THSD4: variants seen among roughly 807,000 people sequenced by gnomAD.
THSD4 encodes the protein thrombospondin type-1 domain-containing protein 4.
A neutral mutation model predicts 119.0 loss-of-function variants in THSD4; 69 were observed. That is an observed-to-expected ratio of 0.58 (90% CI 0.48 to 0.71). The LOEUF is 0.71. Among genes scored for constraint, THSD4 ranks in the 30% least tolerant of loss-of-function variants. The pLI, the probability that THSD4 is intolerant of heterozygous loss-of-function variation, is 0.00. For missense variants in THSD4, 1,393 were observed against 1,391.1 expected, an observed-to-expected ratio of 1.00 and a Z score of -0.02; for synonymous variants, 524 against 540.4, an observed-to-expected ratio of 0.97 and a Z score of 0.42.
chr15:71,359,982 G>A (rs1166104044), intron 6 of THSD4, among the ~76,000 whole-genome samples: 2 of 152,198 alleles, frequency 1.3e-5, no homozygotes, highest in East Asian at 1.9e-4. Context: ...CCCCAAAATT[G>A]AGTAGCTTAA....
intron 7 of THSD4, among the ~76,000 whole-genome samples, chr15:71,581,614 AAC>A (rs540241572): frequency 1.1e-3 from 166 of 147,610 alleles, no homozygotes; most frequent in African/African-American, 3.7e-3. Context: ...AGTGTCAAAA[AAC>A]TTTTTTCCTC....
chr15:71,333,740 A>C (rs1005500652), intron 6 of THSD4, among the ~76,000 whole-genome samples: 1 of 152,180 alleles, frequency 6.6e-6, no homozygotes, highest in African/African-American at 2.4e-5. Flanking sequence ...TTTCCCACTC[A>C]GTAAAGGCAG....
intron 4 of THSD4, among the ~76,000 whole-genome samples, chr15:71,240,245 A>C (rs2044140338): frequency 6.6e-6 from 1 of 152,174 alleles, no homozygotes; most frequent in Non-Finnish European, 1.5e-5. Flanking sequence ...TTGGTTCATC[A>C]GTGCTGAGTG....
chr15:71,711,535 T>TA (rs1446208893), intron 8 of THSD4, among the ~76,000 whole-genome samples: 1 of 151,886 alleles, frequency 6.6e-6, no homozygotes, highest in African/African-American at 2.4e-5. Flanking sequence ...AACAGAGGAA[T>TA]AAAAAAGGTG....
rs982017388 is a variant in THSD4, at chr15:71,763,388, T to C, written c.2590-1632T>C. 3.3e-5 allele frequency among the ~76,000 whole-genome samples: 5 copies of C among 151,980 alleles called. No homozygotes were observed. The East Asian group carries it at 9.7e-4, about 29-fold the overall frequency. On this transcript the variant is annotated intron_variant, in intron 15 of 17. Transcript: ENST00000261862. ...TCTTTAAAGTCTATAATAAAGTACA[T>C]AGACCACAGCTTTACAACTTTAAAT...
At chr15:71,324,502 C>T (rs909806682) in intron 6 of THSD4, among the ~76,000 whole-genome samples, 2 of 152,130 alleles carry the variant, frequency 1.3e-5, no homozygotes, top group African/African-American at 4.8e-5. Flanking sequence ...TTATATCACT[C>T]TGTATGCCTT....
intron 2 of THSD4, among the ~76,000 whole-genome samples, chr15:71,142,959 A>G (rs1467137949): frequency 6.6e-6 from 1 of 152,244 alleles, no homozygotes; most frequent in Non-Finnish European, 1.5e-5. Context: ...GCATTTGCCA[A>G]GCAGATGCCC....
chr15:71,472,751 G>A (rs1939362752), intron 7 of THSD4, among the ~76,000 whole-genome samples: 1 of 152,318 alleles, frequency 6.6e-6, no homozygotes, highest in Middle Eastern at 3.4e-3. Flanking sequence ...GATTTCACAG[G>A]AGGCTGACTT....
intron 6 of THSD4, among the ~76,000 whole-genome samples, chr15:71,360,301 A>G (rs2045876099): frequency 6.6e-6 from 1 of 152,198 alleles, no homozygotes; most frequent in Non-Finnish European, 1.5e-5. Context: ...TGGAAGCTGC[A>G]GGGTTTCTTA....
chr15:71,343,219 A>G (rs1157208407), intron 6 of THSD4, among the ~76,000 whole-genome samples: 3 of 152,174 alleles, frequency 2.0e-5, no homozygotes, highest in South Asian at 2.1e-4. Context: ...CCCTATCTCT[A>G]GTAGGTAGGT....
At chr15:71,202,087 A>G (rs916698198) in intron 3 of THSD4, among the ~76,000 whole-genome samples, 1 of 152,040 alleles carries the variant, frequency 6.6e-6, no homozygotes, top group African/African-American at 2.4e-5. Context: ...AGATGGAAGT[A>G]ATTTCCAGAG....
chr15:71,701,959 G>A (rs1237669329), intron 8 of THSD4, among the ~76,000 whole-genome samples: 5 of 152,170 alleles, frequency 3.3e-5, no homozygotes, highest in Admixed American at 3.3e-4. Context: ...AAATAAAACT[G>A]CCAGAGGTAA....
rs34326932 is a variant in THSD4 at position 71,379,450 on chromosome 15, C to CTTTTT, written c.1016-32215_1016-32211dup. Among the ~76,000 whole-genome samples the CTTTTT allele has an allele frequency of 5.9e-4, 46 of 77,588 alleles. 9 individuals are homozygous for CTTTTT. In the South Asian group the frequency reaches 7.8e-3, roughly 13 times the overall value. 50.9% of individuals were successfully genotyped at this position (77,588 alleles called of 152,430 possible). A position where few individuals can be genotyped will look rare whatever the true frequency, so the allele number is the denominator to read the frequency against. On this transcript the variant is annotated intron_variant, in intron 6 of 17. Coordinates refer to ENST00000261862, the MANE Select transcript of THSD4 (RefSeq NM_024817.3). ...GACAAATTACTGAAGCAAATGGCTT[C>CTTTTT]TTTTTTTTTTTTTTTTTTTTTTTTT...
At chr15:71,305,069 C>T (rs1339910472) in intron 6 of THSD4, among the ~76,000 whole-genome samples, 2 of 152,142 alleles carry the variant, frequency 1.3e-5, no homozygotes, top group African/African-American at 4.8e-5. Context: ...AAAGTGGGTA[C>T]GTTTTCTGAT....
chr15:71,228,116 A>G (rs1462673844), intron 4 of THSD4, among the ~76,000 whole-genome samples: 3 of 152,128 alleles, frequency 2.0e-5, no homozygotes, highest in African/African-American at 7.2e-5. Context: ...AGATGTGATT[A>G]AGTATCTTGA....
chr15:71,257,437 C>T (rs370533680), intron 6 of THSD4, among the ~76,000 whole-genome samples: 5 of 152,096 alleles, frequency 3.3e-5, no homozygotes, highest in East Asian at 3.9e-4. Flanking sequence ...GCCAAGTTGG[C>T]TGGAGAGGGA....
intron 6 of THSD4, among the ~76,000 whole-genome samples, chr15:71,349,306 C>T (rs979806934): frequency 6.6e-6 from 1 of 152,164 alleles, no homozygotes; most frequent in Non-Finnish European, 1.5e-5. Flanking sequence ...TTGTTGTTTC[C>T]CTTTCTTATT....
At chr15:71,666,659 C>G (rs937130299) in intron 8 of THSD4, among the ~76,000 whole-genome samples, 1 of 152,132 alleles carries the variant, frequency 6.6e-6, no homozygotes, top group Non-Finnish European at 1.5e-5. Flanking sequence ...TTTCAAAATG[C>G]TTTAGACTTA....
intron 7 of THSD4, among the ~76,000 whole-genome samples, chr15:71,528,579 T>A (rs1220729881): frequency 6.6e-6 from 1 of 152,246 alleles, no homozygotes; most frequent in Non-Finnish European, 1.5e-5. Flanking sequence ...TTAAATAAGA[T>A]GTCTGTCAGG....
Sources: allele counts gnomAD v4.1 joint callset (sites outside exome capture counted in the v4.1 genomes callset), GRCh38; gene constraint gnomAD v4.1.1; transcripts MANE v1.5; gene names NCBI Gene and HGNC (gene_info 2026-07-23, HGNC 2026-07-21).